The following ASNS variants were observed in gnomAD, a reference collection of about 807,000 sequenced individuals.
ASNS encodes the protein asparagine synthetase [glutamine-hydrolyzing].
ASNS carries 37 observed loss-of-function variants against 62.6 expected under a neutral mutation model. The observed-to-expected ratio is 0.59, with a 90% CI of 0.45 to 0.78. The LOEUF (loss-of-function observed/expected upper bound fraction) is 0.78, where lower values mean the gene tolerates loss of function less well. Among genes scored for constraint, ASNS ranks in the 30% least tolerant of loss-of-function variants. ASNS has a pLI of 0.00. For missense variants in ASNS, 520 were observed against 682.4 expected, an observed-to-expected ratio of 0.76 and a Z score of 2.65; for synonymous variants, 207 against 237.9, an observed-to-expected ratio of 0.87 and a Z score of 1.19.
chr7:97,866,760 A>G (rs776914480), intron 3 of ASNS, among the ~76,000 whole-genome samples: 2 of 152,216 alleles, frequency 1.3e-5, no homozygotes, highest in Admixed American at 6.5e-5. Context: ...TCTTTTGTCT[A>G]TAAGTCCTCA....
rs747740409 is a variant in ASNS, at chr7:97,854,203, G to T, written c.1238+377C>A. Among the ~76,000 whole-genome samples, 5 of 152,124 alleles carry T rather than the reference G, an allele frequency of 3.3e-5. No individual in the cohort carries two copies. In the South Asian group the frequency reaches 1.0e-3, roughly 32 times the overall value. On this transcript the variant is annotated intron_variant, in intron 10 of 12. Transcript: ENST00000394308. ...TCACTACTTGTCACATGATGTTTACGATCTTTACTTCTCTTTAAAACACTT... is the reference window on the plus strand; with the variant it reads ...TCACTACTTGTCACATGATGTTTACTATCTTTACTTCTCTTTAAAACACTT...
chr7:97,865,200 C>A (rs1791906462), intron 3 of ASNS, among the ~76,000 whole-genome samples: 1 of 152,130 alleles, frequency 6.6e-6, no homozygotes, highest in Non-Finnish European at 1.5e-5. Context: ...ACCATTAATA[C>A]AGTAAGAAAG....
At chr7:97,858,223 C>A (rs550028153) in intron 7 of ASNS, 55 bp downstream of exon 7, 90 of 1,585,652 alleles carry the variant, frequency 5.7e-5, no homozygotes, top group Non-Finnish European at 7.7e-5. Context: ...CATTTTCATT[C>A]TAATAACAAG....
chr7:97,860,752 C>T (rs1791675204), intron 4 of ASNS, among the ~76,000 whole-genome samples: 1 of 152,120 alleles, frequency 6.6e-6, no homozygotes, highest in South Asian at 2.1e-4. Context: ...TCAAGTTTAC[C>T]ATCAAAAAGT....
the ASNS span, among the ~76,000 whole-genome samples, chr7:97,927,892 T>C: frequency 6.6e-6 from 1 of 152,272 alleles, no homozygotes; most frequent in East Asian, 1.9e-4. Context: ...ACCCCAAGAC[T>C]GGGCAGGGGG....
At chr7:97,890,817 T>A in the ASNS span, among the ~76,000 whole-genome samples, 1 of 152,180 alleles carries the variant, frequency 6.6e-6, no homozygotes, top group South Asian at 2.1e-4. Flanking sequence ...TTTGTTTGTG[T>A]CTTGTTTGTT....
At chr7:97,879,996 C>T in the ASNS span, among the ~76,000 whole-genome samples, 7 of 152,164 alleles carry the variant, frequency 4.6e-5, no homozygotes, top group East Asian at 1.3e-3. Context: ...TTGTTCTCTT[C>T]CTACCCAGAA....
the ASNS span, among the ~76,000 whole-genome samples, chr7:97,896,134 C>A: frequency 6.6e-6 from 1 of 152,036 alleles, no homozygotes; most frequent in Non-Finnish European, 1.5e-5. Flanking sequence ...CTACCTGAAG[C>A]AATCTAGAGA....
the ASNS span, among the ~76,000 whole-genome samples, chr7:97,886,864 T>A: frequency 6.6e-6 from 1 of 152,334 alleles, no homozygotes; most frequent in Admixed American, 6.5e-5. Context: ...GAAGACTATT[T>A]AATTTCCTGA....
rs1791198536 is a variant in ASNS at position 97,851,893 on chromosome 7, G to C, written c.*366C>G. On this transcript the variant is annotated 3_prime_UTR_variant, in exon 13 of 13. Transcript: ENST00000394308. Reference sequence around the variant, plus strand: ...TAGGAATGTAGGCAGAACAAAAATAGTGTAGTCCTTTGATGACGTCCCTAA... The same window carrying C: ...TAGGAATGTAGGCAGAACAAAAATACTGTAGTCCTTTGATGACGTCCCTAA... The C allele has an allele frequency of 8.1e-6, 2 of 248,152 alleles. No individual in the cohort carries two copies. The highest frequency in any genetic ancestry group is 7.9e-6 in the Non-Finnish European group (1 of 126,378). 15.4% of individuals were successfully genotyped at this position (248,152 alleles called of 1,614,324 possible). A position where few individuals can be genotyped will look rare whatever the true frequency, so the allele number is the denominator to read the frequency against.
At chr7:97,870,097 C>G (rs1442273846) in intron 1 of ASNS, 13 of 382,680 alleles carry the variant, frequency 3.4e-5, no homozygotes, top group Non-Finnish European at 5.4e-5. Flanking sequence ...TTTCCAATTT[C>G]AAATTCTCAA....
chr7:97,899,371 C>T, the ASNS span, among the ~76,000 whole-genome samples: 1,657 of 152,298 alleles, frequency 0.011, 14 homozygotes, highest in Middle Eastern at 0.017. Context: ...AATCCTCCCA[C>T]CACAGCCTCC....
At chr7:97,857,062 C>T (rs1791475279) in intron 7 of ASNS, among the ~76,000 whole-genome samples, 1 of 152,194 alleles carries the variant, frequency 6.6e-6, no homozygotes, top group African/African-American at 2.4e-5. Context: ...AGGCTTCAAC[C>T]ATTCTCCCAG....
chr7:97,908,889 C>A, the ASNS span: 1 of 152,140 alleles, frequency 6.6e-6, no homozygotes, highest in Non-Finnish European at 1.5e-5. Context: ...AAAGGGCCTG[C>A]ATGCAGAGTG....
the ASNS span, among the ~76,000 whole-genome samples, chr7:97,910,609 T>TG: frequency 1.7e-4 from 1 of 5,932 alleles, no homozygotes; most frequent in Admixed American, 4.1e-3. Flanking sequence ...AGTGAGAGAC[T>TG]TTTTTTTTTT....
At chr7:97,911,045 G>A in the ASNS span, among the ~76,000 whole-genome samples, 1 of 152,174 alleles carries the variant, frequency 6.6e-6, no homozygotes, top group Admixed American at 6.5e-5. Context: ...CAAGACATCT[G>A]AATGTAAACT....
rs761978438 is a variant in ASNS, at chr7:97,853,221, G to A, written c.1321-6C>T. On this transcript the variant is annotated splice_region_variant and splice_polypyrimidine_tract_variant and intron_variant, in intron 11 of 12. Coordinates refer to ENST00000394308, the MANE Select transcript of ASNS (RefSeq NM_001673.5). ...AGATGTTTTTCTATCCCATTCTGACGTGACAAAAAAAGGAGCATCAGGTAA... is the reference window on the plus strand; with the variant it reads ...AGATGTTTTTCTATCCCATTCTGACATGACAAAAAAAGGAGCATCAGGTAA... The A allele has an allele frequency of 1.3e-5, 21 of 1,605,724 alleles. No homozygotes were observed. The highest frequency in any genetic ancestry group is 6.7e-5 in the South Asian group (6 of 89,724).
chr7:97,876,382 A>G (rs192542637), upstream of ASNS, among the ~76,000 whole-genome samples: 1,265 of 150,838 alleles, frequency 8.4e-3, 13 homozygotes, highest in African/African-American at 0.029. Flanking sequence ...CATAATAGCT[A>G]TTGGTGTTGG....
the ASNS span, among the ~76,000 whole-genome samples, chr7:97,905,150 C>A: frequency 1.3e-5 from 2 of 152,186 alleles, no homozygotes; most frequent in Non-Finnish European, 2.9e-5. Flanking sequence ...TCTAACATCG[C>A]CACTCTAGCT....
Sources: gnomAD v4.1 joint callset for allele counts (sites outside exome capture counted in the v4.1 genomes callset) on GRCh38, gnomAD v4.1.1 for gene constraint, MANE v1.5 for transcripts, NCBI Gene and HGNC (gene_info 2026-07-23, HGNC 2026-07-21) for gene names.